CPNE7: variants seen among roughly 807,000 people sequenced by gnomAD.
CPNE7 encodes the protein copine 7.
A neutral mutation model predicts 66.5 loss-of-function variants in CPNE7; 78 were observed. The ratio of observed to expected loss-of-function variants is 1.17; its 90% CI spans 0.98 to 1.42. CPNE7 has a LOEUF of 1.42. Among genes scored for constraint, CPNE7 ranks in the 40% most tolerant of loss-of-function variants. The pLI is 0.00. For missense variants in CPNE7, 1,012 were observed against 776.6 expected, an observed-to-expected ratio of 1.30 and a Z score of -3.60; for synonymous variants, 468 against 336.7, an observed-to-expected ratio of 1.39 and a Z score of -4.27.
At chr16:89,585,622 T>A in intron 6 of CPNE7, 65 bp from the exon 7 acceptor site, 1 of 1,498,582 alleles carries the variant, frequency 6.7e-7, no homozygotes. Flanking sequence ...TGGAGACACC[T>A]GGGCTCGGGT....
chr16:89,595,833 G>A (rs577893037), intron 14 of CPNE7: 201 of 668,806 alleles, frequency 3.0e-4, no homozygotes, highest in Non-Finnish European at 5.1e-4. Context: ...CACAAAAGCA[G>A]AGAACAGCAC....
intron 2 of CPNE7, 41 bp downstream of exon 2, chr16:89,577,762 G>A (rs545130174): frequency 2.7e-5 from 41 of 1,545,098 alleles, no homozygotes; most frequent in Middle Eastern, 2.1e-4. Context: ...GACGGTTGGC[G>A]TGGGGGCCAC....
intron 14 of CPNE7, among the ~76,000 whole-genome samples, 181 bp from the exon 15 acceptor site, chr16:89,596,303 T>TGCAG (rs1329660423): frequency 6.6e-6 from 1 of 152,234 alleles, no homozygotes; most frequent in Non-Finnish European, 1.5e-5. Context: ...AAGACCCACG[T>TGCAG]GCAGCCTCAT....
chr16:89,584,127 T>G lies in CPNE7; in HGVS notation c.507+25T>G. On this transcript the variant is annotated intron_variant, in intron 4 of 14. Transcript: ENST00000319518. This position sits in a 1 kb window ranked among gnomAD's most constrained non-coding sequence, Gnocchi z 6.0. The stretch of plus-strand genomic sequence containing the variant: ...GGTGAGTGCAGGTGCCGGGCACGCC[T>G]GGCTCAGGCTGAGGTCCGGGAACCG... 6.3e-7 allele frequency: 1 copy of G among 1,597,664 alleles called. No individual in the cohort carries two copies. Among genetic ancestry groups the G allele is most frequent in the Non-Finnish European group, 8.5e-7 (1 of 1,173,414 alleles).
chr16:89,588,778 C>T lies in CPNE7; in HGVS notation c.1031C>T (p.Ser344Phe). The T allele has an allele frequency of 1.9e-6, 3 of 1,613,740 alleles. No homozygotes were observed. The highest frequency in any genetic ancestry group is 2.5e-6 in the Non-Finnish European group (3 of 1,179,970). Reference sequence around the variant, plus strand: ...AACGAGTACCTGAAGGCACTGGTGTCCGTGGGCGAGATCTGCCAGGACTAT... The same window carrying T: ...AACGAGTACCTGAAGGCACTGGTGTTCGTGGGCGAGATCTGCCAGGACTAT... ...QPNEYLKALV[S>F]VGEICQDYDS... The change falls in exon 10 of 15, where the codon TCC (serine) becomes TTC (phenylalanine). Residue 344 changes from serine to phenylalanine, a missense_variant. Ser to Phe is a radical substitution (Grantham distance 155). Coordinates refer to ENST00000319518, the MANE Select transcript of CPNE7 (RefSeq NM_153636.3).
chr16:89,594,479 C>T (rs1473107832), intron 13 of CPNE7, among the ~76,000 whole-genome samples: 2 of 152,044 alleles, frequency 1.3e-5, no homozygotes, highest in East Asian at 1.9e-4. Flanking sequence ...GGGACGGGCT[C>T]AGTCAAGGCC....
At chr16:89,591,999 T>C (rs1054978711) in intron 13 of CPNE7, among the ~76,000 whole-genome samples, 1 of 121,050 alleles carries the variant, frequency 8.3e-6, no homozygotes, top group Non-Finnish European at 1.7e-5. Context: ...GTGCCCGGCA[T>C]TCTTTTTTTT....
intron 11 of CPNE7, among the ~76,000 whole-genome samples, chr16:89,590,237 A>T (rs2059147454): frequency 6.6e-6 from 1 of 152,218 alleles, no homozygotes; most frequent in Non-Finnish European, 1.5e-5. Context: ...CAATTCAGCT[A>T]GCTTCGGCCA....
chr16:89,588,887 C>A (rs536836482), intron 10 of CPNE7, 79 bp downstream of exon 10: 1 of 1,565,482 alleles, frequency 6.4e-7, no homozygotes, highest in Admixed American at 1.7e-5. Context: ...TCCCCCTCAC[C>A]CCCCTGGTCT....
intron 2 of CPNE7, among the ~76,000 whole-genome samples, chr16:89,583,233 G>C (rs1335102618): frequency 6.6e-6 from 1 of 152,082 alleles, no homozygotes; most frequent in Admixed American, 6.5e-5. Flanking sequence ...TGCCGCCCGT[G>C]GCTACGTGGA....
In CPNE7 at chr16:89,578,314, T is replaced by C. The variant is rs144656639; in HGVS notation, c.357+593T>C. On this transcript the variant is annotated intron_variant, in intron 2 of 14. Coordinates refer to ENST00000319518, the MANE Select transcript of CPNE7 (RefSeq NM_153636.3). ...TCCTGACCTCGTGATCCGCCTGCCT[T>C]GTCCTCCCAAAGTGCTGGGATTACA... Among the ~76,000 whole-genome samples, 934 of 152,070 alleles carry C rather than the reference T, an allele frequency of 6.1e-3. 8 individuals are homozygous for C. Among genetic ancestry groups the C allele is most frequent in the African/African-American group, 0.021 (860 of 41,516 alleles).
intron 9 of CPNE7, chr16:89,587,770 ACAGAAACACGGCCCC>A (rs1567960983): frequency 2.3e-4 from 10 of 43,092 alleles, no homozygotes; most frequent in Middle Eastern, 0.011. Context: ...CGTGTCACCC[ACAGAAACACGGCCCC>A]CGTGTCACCC....
chr16:89,588,283 C>G (rs367790684), intron 9 of CPNE7, among the ~76,000 whole-genome samples: 1 of 152,166 alleles, frequency 6.6e-6, no homozygotes, highest in Non-Finnish European at 1.5e-5. Flanking sequence ...TTTTGTTGAA[C>G]GAGCCCCAGA....
intron 13 of CPNE7, among the ~76,000 whole-genome samples, chr16:89,591,592 T>C (rs1298268824): frequency 6.6e-6 from 1 of 152,182 alleles, no homozygotes; most frequent in African/African-American, 2.4e-5. Flanking sequence ...CATGTGTCTT[T>C]CCTTTGCACA....
chr16:89,595,502 A>G lies in CPNE7; in HGVS notation c.1438A>G (p.Met480Val), dbSNP rs777792188. ...VGVGNADFTD[M>V]QVLDGDDGVL... Reference sequence around the variant, plus strand: ...CGTGGGCAACGCCGACTTCACCGACATGCAGGTCCTGGACGGCGACGACGG... The same window carrying G: ...CGTGGGCAACGCCGACTTCACCGACGTGCAGGTCCTGGACGGCGACGACGG... The change falls in exon 14 of 15, where the codon ATG becomes GTG. Residue 480 changes from methionine (M) to valine (V), a missense_variant. Physicochemically the swap from Met to Val is conservative, Grantham distance 21 (BLOSUM62 1). Coordinates refer to ENST00000319518, the MANE Select transcript of CPNE7 (RefSeq NM_153636.3). The G allele has an allele frequency of 6.2e-7, 1 of 1,612,646 alleles. No individual in the cohort carries two copies. The highest frequency in any genetic ancestry group is 2.2e-5 in the East Asian group (1 of 44,874).
At chr16:89,588,844 C>T (rs1169066827) in intron 10 of CPNE7, 36 bp downstream of exon 10, 2 of 1,607,584 alleles carry the variant, frequency 1.2e-6, no homozygotes, top group African/African-American at 1.3e-5. Context: ...CCCTGGTCTC[C>T]AGGTCAGCTA....
intron 10 of CPNE7, 26 bp from the exon 11 acceptor site, chr16:89,589,871 C>T: frequency 6.2e-7 from 1 of 1,613,292 alleles, no homozygotes; most frequent in African/African-American, 1.3e-5. Context: ...TCAGGGCCTC[C>T]TGGTGACCTC....
intron 3 of CPNE7, 106 bp downstream of exon 3, chr16:89,583,877 C>T (rs2058994293): frequency 1.4e-6 from 2 of 1,449,030 alleles, no homozygotes; most frequent in Non-Finnish European, 1.9e-6. Context: ...GGAGGGTCTG[C>T]AGGAGCCGGC....
intron 13 of CPNE7, 113 bp downstream of exon 13, chr16:89,591,373 C>G: frequency 7.2e-7 from 1 of 1,389,062 alleles, no homozygotes; most frequent in Non-Finnish European, 9.5e-7. Context: ...CAGAGGCCCC[C>G]AGGCAGGACA....
Sources: gnomAD v4.1 joint callset for allele counts (sites outside exome capture counted in the v4.1 genomes callset) on GRCh38, gnomAD v4.1.1 for gene constraint, Gnocchi (gnomAD v3.1) non-coding constraint, MANE v1.5 for transcripts, NCBI Gene and HGNC (gene_info 2026-07-23, HGNC 2026-07-21) for gene names.